The following RHPN2 variants were observed in gnomAD, a reference collection of about 807,000 sequenced individuals.
The protein encoded by RHPN2 is rhophilin Rho GTPase binding protein 2, also known as rhophilin-2.
A neutral mutation model predicts 79.0 loss-of-function variants in RHPN2; 40 were observed. That is an observed-to-expected ratio of 0.51 (90% CI 0.39 to 0.66). The LOEUF is 0.66. Among genes scored for constraint, RHPN2 ranks in the 30% least tolerant of loss-of-function variants. The probability of loss-of-function intolerance (pLI) is 0.00; values close to 1 mark genes in which losing one functional copy is unlikely to be tolerated. For synonymous variants in RHPN2, 285 were observed against 363.5 expected, an observed-to-expected ratio of 0.78 and a Z score of 2.46; for missense variants, 686 against 883.5, an observed-to-expected ratio of 0.78 and a Z score of 2.83.
In RHPN2 at chr19:33,026,632, T is replaced by C. The variant is rs1299707174; in HGVS notation, c.186A>G (p.Lys62=). The change falls in exon 3 of 15, where the codon AAA becomes AAG. Residue 62 remains lysine, a splice_region_variant and synonymous_variant. Coordinates refer to ENST00000254260, the MANE Select transcript of RHPN2 (RefSeq NM_033103.5). ...CCCGCACCTTTGAGTTTGTGGCCAC[T>C]CTGTTCAAAGAGAAGAGGGAGAGAA... ...RMRTGAENLL[K]VATNSKVREQ... 6 of 1,605,754 alleles carry C rather than the reference T, an allele frequency of 3.7e-6. No individual in the cohort carries two copies. The highest frequency in any genetic ancestry group is 5.1e-6 in the Non-Finnish European group (6 of 1,178,722).
At chr19:33,019,041 A>AG (rs1323229022) in intron 4 of RHPN2, among the ~76,000 whole-genome samples, 5 of 141,052 alleles carry the variant, frequency 3.5e-5, no homozygotes, top group East Asian at 4.5e-4. Context: ...CAAAAAAAAA[A>AG]AAAAAAGAAA....
intron 1 of RHPN2, 147 bp downstream of exon 1, chr19:33,064,637 T>G: frequency 1.6e-6 from 1 of 615,834 alleles, no homozygotes. Context: ...CCCGCCAGCC[T>G]CCGTCCGGCC....
chr19:33,007,742 C>T (rs547538332), intron 7 of RHPN2, among the ~76,000 whole-genome samples: 7 of 149,444 alleles, frequency 4.7e-5, no homozygotes, highest in East Asian at 2.0e-4. Context: ...TCTGAACCAC[C>T]GAGCAAGTTT....
chr19:33,056,859 C>T (rs1012667086), intron 1 of RHPN2, among the ~76,000 whole-genome samples: 1 of 151,224 alleles, frequency 6.6e-6, no homozygotes, highest in African/African-American at 2.4e-5. Context: ...CCTGTAATCC[C>T]AGCACTTTGG....
intron 6 of RHPN2, among the ~76,000 whole-genome samples, chr19:33,011,103 T>G (rs561200380): frequency 6.6e-5 from 10 of 152,282 alleles, no homozygotes; most frequent in African/African-American, 2.2e-4. Context: ...AATGCTCTAC[T>G]TCCTTTTTTT....
intron 1 of RHPN2, among the ~76,000 whole-genome samples, chr19:33,053,856 C>T (rs1307977775): frequency 2.0e-5 from 3 of 149,344 alleles, no homozygotes; most frequent in Admixed American, 6.7e-5. Flanking sequence ...TGTGAGCCAC[C>T]GCGCCCAGTC....
rs1158644120 is a variant in RHPN2 at position 32,991,873 on chromosome 19, C to G, written c.1594G>C (p.Gly532Arg). The stretch of plus-strand genomic sequence containing the variant: ...AAGTGAACCTGAACGGGGGCGTTCC[C>G]TCTCAAGGTGAACCCCAAGTCCCCT... The part of the protein sequence containing the change: ...EEGDLGFTLR[G>R]NAPVQVHFLD... Residue 532 changes from glycine to arginine, a missense_variant, in exon 13 of 15, where the codon GGG becomes CGG. Coordinates refer to ENST00000254260, the MANE Select transcript of RHPN2 (RefSeq NM_033103.5). 1 of 1,613,976 alleles carries G rather than the reference C, an allele frequency of 6.2e-7. No individual in the cohort carries two copies. Among genetic ancestry groups the G allele is most frequent in the Admixed American group, 1.7e-5 (1 of 60,000 alleles).
chr19:33,040,798 A>G (rs1286593304), intron 2 of RHPN2, among the ~76,000 whole-genome samples: 1 of 152,044 alleles, frequency 6.6e-6, no homozygotes. Context: ...TACTAAAAGT[A>G]TAAAATTTAG....
intron 3 of RHPN2, among the ~76,000 whole-genome samples, chr19:33,023,264 G>A (rs28665525): frequency 0.15 from 22,880 of 151,514 alleles, 2,356 homozygotes; most frequent in South Asian, 0.31. Context: ...GTAAAACCCC[G>A]TCTCTACTAA....
intron 2 of RHPN2, among the ~76,000 whole-genome samples, chr19:33,033,289 G>C (rs972357605): frequency 1.3e-5 from 2 of 152,104 alleles, no homozygotes; most frequent in African/African-American, 2.4e-5. Context: ...ACTAAGGCTG[G>C]GCACAGAGGT....
Position 33,026,528 on chromosome 19 carries a change from G to C in RHPN2, c.290C>G (p.Ser97Trp). 6.2e-7 allele frequency: 1 copy of C among 1,608,346 alleles called. No homozygotes were observed. The highest frequency in any genetic ancestry group is 8.5e-7 in the Non-Finnish European group (1 of 1,179,706). ...LKEELEGLNI[S>W]VGVYQNTEEA... ...CTCTGTGTTCTGATAGACGCCCACCGAGATGTTCAGCCCCTCCAGCTCTTC... is the reference window on the plus strand; with the variant it reads ...CTCTGTGTTCTGATAGACGCCCACCCAGATGTTCAGCCCCTCCAGCTCTTC... Residue 97 changes from serine to tryptophan, a missense_variant, in exon 3 of 15, where the codon TCG becomes TGG. Physicochemically the swap from Ser to Trp is radical, Grantham distance 177. Transcript: ENST00000254260.
At position 32,980,115 on chromosome 19, in the gene RHPN2, T is replaced by C; in HGVS notation, c.1942A>G (p.Asn648Asp). The change falls in exon 15 of 15, where the codon AAC (asparagine) becomes GAC (aspartate). Residue 648 changes from asparagine (N) to aspartate (D), a missense_variant. Physicochemically the swap from Asn to Asp is conservative, Grantham distance 23. Coordinates refer to ENST00000254260, the MANE Select transcript of RHPN2 (RefSeq NM_033103.5). ...AAGGTGCTGGCTGACTTCTGTCTGTTCTTGTTGGTGCCCCAACTCAGGAAG... is the reference window on the plus strand; with the variant it reads ...AAGGTGCTGGCTGACTTCTGTCTGTCCTTGTTGGTGCCCCAACTCAGGAAG... ...LSFLSWGTNK[N>D]RQKSASTLCL... 1.2e-6 allele frequency: 2 copies of C among 1,613,934 alleles called. No homozygotes were observed. The highest frequency in any genetic ancestry group is 1.1e-5 in the South Asian group (1 of 91,074).
At position 32,978,779 on chromosome 19, in the gene RHPN2, G is replaced by A. The variant is rs1013506738; in HGVS notation, c.*1217C>T. 2 of 152,558 alleles carry A rather than the reference G, an allele frequency of 1.3e-5. No individual in the cohort carries two copies. The highest frequency in any genetic ancestry group is 4.8e-5 in the African/African-American group (2 of 41,428). The allele number at this position is 152,558 out of a possible 1,614,324, so 9.5% of individuals were successfully genotyped here. On this transcript the variant is annotated 3_prime_UTR_variant, in exon 15 of 15. Transcript: ENST00000254260. The stretch of plus-strand genomic sequence containing the variant: ...ATGTAACTTGTACTGTGTCAACAGT[G>A]AACCTTATTAGATTCACGGTGTCAT...
At chr19:32,984,886 T>C (rs866766990) in intron 14 of RHPN2, among the ~76,000 whole-genome samples, 4 of 152,132 alleles carry the variant, frequency 2.6e-5, no homozygotes, top group African/African-American at 9.7e-5. Flanking sequence ...GGCAGGCAGA[T>C]TGCTTAAGCC....
At chr19:33,063,420 T>C (rs1972298421) in intron 1 of RHPN2, among the ~76,000 whole-genome samples, 1 of 152,138 alleles carries the variant, frequency 6.6e-6, no homozygotes, top group Non-Finnish European at 1.5e-5. Flanking sequence ...CAAGACCATT[T>C]AAGAACTGGA....
intron 2 of RHPN2, among the ~76,000 whole-genome samples, chr19:33,036,870 G>GCCCT (rs1972060962): frequency 1.4e-5 from 2 of 141,334 alleles, no homozygotes; most frequent in African/African-American, 5.6e-5. Flanking sequence ...CCATGCCTGA[G>GCCCT]CCCCCCCGCC....
intron 1 of RHPN2, among the ~76,000 whole-genome samples, chr19:33,064,474 G>A (rs749606200): frequency 6.6e-6 from 1 of 152,122 alleles, no homozygotes; most frequent in Non-Finnish European, 1.5e-5. Flanking sequence ...GCAAGCGAGG[G>A]GTGGCGGGGG....
intron 4 of RHPN2, among the ~76,000 whole-genome samples, chr19:33,019,516 T>C (rs1365575863): frequency 6.6e-6 from 1 of 151,906 alleles, no homozygotes; most frequent in African/African-American, 2.4e-5. Flanking sequence ...GAGGTGAAGG[T>C]TGCGGTGAGC....
At chr19:33,040,504 C>A (rs1318805040) in intron 2 of RHPN2, among the ~76,000 whole-genome samples, 1 of 152,054 alleles carries the variant, frequency 6.6e-6, no homozygotes, top group Non-Finnish European at 1.5e-5. Flanking sequence ...TCCCAAAATG[C>A]TGGAATTACA....
Sources: allele counts gnomAD v4.1 joint callset (sites outside exome capture counted in the v4.1 genomes callset), GRCh38; gene constraint gnomAD v4.1.1; transcripts MANE v1.5; gene names NCBI Gene and HGNC (gene_info 2026-07-23, HGNC 2026-07-21).